The following IL1RAPL1 variants were observed in gnomAD, a reference collection of about 807,000 sequenced individuals.
IL1RAPL1 encodes interleukin-1 receptor accessory protein-like 1.
IL1RAPL1 carries 3 observed loss-of-function variants against 48.4 expected under a neutral mutation model. The observed-to-expected ratio is 0.06, with a 90% CI of 0.03 to 0.16. The LOEUF is 0.16. Ranked by LOEUF, IL1RAPL1 falls within the 10% of genes least tolerant of loss-of-function variation. The pLI, the probability that IL1RAPL1 is intolerant of heterozygous loss-of-function variation, is 1.00. For missense variants in IL1RAPL1, 349 were observed against 530.6 expected (o/e 0.66, Z 3.36); for synonymous variants, 185 against 187.7 (o/e 0.99, Z 0.12).
Position 29,607,580 on chromosome X carries a change from T to G in IL1RAPL1, c.704-60850T>G, listed in dbSNP as rs192599426. Among the ~76,000 whole-genome samples the G allele has an allele frequency of 2.7e-3, 308 of 112,065 alleles. 3 individuals are homozygous for G. Among genetic ancestry groups the G allele is most frequent in the African/African-American group, 9.5e-3 (295 of 30,894 alleles). On this transcript the variant is annotated intron_variant, in intron 5 of 10. Transcript: ENST00000378993. ...ATTCTACTTTCAGTAATGAGCTGTA[T>G]CCTGTCAACTTACTCAGCAAAATTC...
intron 2 of IL1RAPL1, among the ~76,000 whole-genome samples, chrX:29,024,585 A>C (rs1400212401): frequency 8.9e-6 from 1 of 112,211 alleles, no homozygotes; most frequent in East Asian, 2.8e-4. Flanking sequence ...AGTAATTGAA[A>C]AAAGGTCTGC....
At chrX:29,285,839 G>C (rs1932276155) in intron 3 of IL1RAPL1, among the ~76,000 whole-genome samples, 1 of 111,448 alleles carries the variant, frequency 9.0e-6, no homozygotes, top group African/African-American at 3.3e-5. Context: ...TTTACAAACA[G>C]CATTTGAAAT....
chrX:29,168,028 T>A (rs1011344138), intron 2 of IL1RAPL1, among the ~76,000 whole-genome samples: 4 of 111,064 alleles, frequency 3.6e-5, no homozygotes, highest in Middle Eastern at 4.7e-3. Context: ...TTAAATTTTT[T>A]AAAAAGTTTT....
intron 1 of IL1RAPL1, among the ~76,000 whole-genome samples, chrX:28,692,512 A>G (rs1240446433): frequency 1.8e-5 from 2 of 111,773 alleles, no homozygotes; most frequent in Non-Finnish European, 1.9e-5. Flanking sequence ...GCTTGTGGGC[A>G]TTACATTGTA....
intron 5 of IL1RAPL1, among the ~76,000 whole-genome samples, chrX:29,541,225 A>G (rs1032153957): frequency 7.2e-5 from 8 of 111,845 alleles, no homozygotes; most frequent in African/African-American, 2.6e-4. Flanking sequence ...CAAAACCACA[A>G]TGAGACACCA....
At chrX:28,694,381 A>G (rs1404051771) in intron 1 of IL1RAPL1, among the ~76,000 whole-genome samples, 1 of 112,160 alleles carries the variant, frequency 8.9e-6, no homozygotes, top group East Asian at 2.8e-4. Context: ...TTCCACTGGA[A>G]ATTGACTTAA....
chrX:29,501,296 G>T (rs67694834), intron 5 of IL1RAPL1, among the ~76,000 whole-genome samples: 8,219 of 110,682 alleles, frequency 0.074, 535 homozygotes, highest in African/African-American at 0.2. Flanking sequence ...AGCTTTTTAG[G>T]CGGAGGTAAT....
rs192084580 is a variant in IL1RAPL1, at chrX:29,912,999, C to G, written c.779-4465C>G. ...GATAATAGTCCTTCATTCCCACTTT[C>G]AAACACAAGGTAATACAGTTGGGTT... On this transcript the variant is annotated intron_variant, in intron 6 of 10. Coordinates refer to ENST00000378993, the MANE Select transcript of IL1RAPL1 (RefSeq NM_014271.4). Among the ~76,000 whole-genome samples the G allele has an allele frequency of 1.2e-4, 13 of 111,875 alleles. No homozygotes were observed. In the East Asian group the frequency reaches 3.6e-3, roughly 31 times the overall value.
intron 5 of IL1RAPL1, among the ~76,000 whole-genome samples, chrX:29,523,855 A>T (rs927513001): frequency 9.0e-6 from 1 of 111,138 alleles, no homozygotes; most frequent in African/African-American, 3.3e-5. Flanking sequence ...ATATGGGAAG[A>T]TTATTTTTTT....
intron 1 of IL1RAPL1, among the ~76,000 whole-genome samples, chrX:28,647,983 AAACTC>A (rs995663984): frequency 9.0e-6 from 1 of 111,689 alleles, no homozygotes; most frequent in Non-Finnish European, 1.9e-5. Flanking sequence ...AATAAAATTT[AAACTC>A]AAATTAGAAG....
At chrX:29,878,274 C>T (rs1250662518) in intron 6 of IL1RAPL1, among the ~76,000 whole-genome samples, 1 of 111,892 alleles carries the variant, frequency 8.9e-6, no homozygotes, top group Non-Finnish European at 1.9e-5. Flanking sequence ...TGTCATTTCT[C>T]TAGCGTCTTC....
intron 2 of IL1RAPL1, among the ~76,000 whole-genome samples, chrX:29,269,793 A>G (rs1932011776): frequency 9.0e-6 from 1 of 110,807 alleles, no homozygotes; most frequent in Admixed American, 9.7e-5. Context: ...AATTAATCAC[A>G]TATATTTAAA....
chrX:29,053,209 G>A (rs1050645159), intron 2 of IL1RAPL1, among the ~76,000 whole-genome samples: 13 of 111,723 alleles, frequency 1.2e-4, no homozygotes, highest in African/African-American at 4.2e-4. Flanking sequence ...GACATGATTT[G>A]TTCTTTTTTT....
At chrX:28,787,685 CA>C (rs199577523) in intron 1 of IL1RAPL1, among the ~76,000 whole-genome samples, 4,535 of 111,436 alleles carry the variant, frequency 0.041, 239 homozygotes, top group African/African-American at 0.14. Flanking sequence ...TGTGTTTTAA[CA>C]GACTTATTAA....
intron 5 of IL1RAPL1, among the ~76,000 whole-genome samples, chrX:29,440,052 A>G (rs1199055556): frequency 9.3e-6 from 1 of 107,033 alleles, no homozygotes; most frequent in African/African-American, 3.4e-5. Flanking sequence ...TGCATTTGTC[A>G]TCAATTTTTG....
chrX:29,119,201 T>C (rs1928733654), intron 2 of IL1RAPL1, among the ~76,000 whole-genome samples: 1 of 111,205 alleles, frequency 9.0e-6, no homozygotes, highest in Admixed American at 9.6e-5. Context: ...AATGTACCCT[T>C]AAACATGTTT....
At chrX:28,954,623 T>C (rs989043904) in intron 2 of IL1RAPL1, among the ~76,000 whole-genome samples, 2 of 111,231 alleles carry the variant, frequency 1.8e-5, no homozygotes, top group Non-Finnish European at 3.8e-5. Flanking sequence ...CTTTCAGCTT[T>C]TGTCTATCTG....
chrX:29,824,904 G>GTTT (rs758222398), intron 6 of IL1RAPL1, among the ~76,000 whole-genome samples: 86 of 92,447 alleles, frequency 9.3e-4, no homozygotes, highest in African/African-American at 3.2e-3. Context: ...ACCAGAACAT[G>GTTT]TTTTTTTTTT....
chrX:29,240,635 G>C (rs1203705784), intron 2 of IL1RAPL1, among the ~76,000 whole-genome samples: 1 of 111,639 alleles, frequency 9.0e-6, no homozygotes, highest in Non-Finnish European at 1.9e-5. Context: ...GTTTTTACCT[G>C]TAAAATGAAA....
Sources: gnomAD v4.1 joint callset for allele counts (sites outside exome capture counted in the v4.1 genomes callset) on GRCh38, gnomAD v4.1.1 for gene constraint, MANE v1.5 for transcripts, NCBI Gene and HGNC (gene_info 2026-07-23, HGNC 2026-07-21) for gene names.